Variants in PRKCI observed in about 807,000 individuals in gnomAD.
The protein encoded by PRKCI is protein kinase C iota.
In PRKCI, 43 loss-of-function variants were observed where a neutral mutation model predicts 84.0. The ratio of observed to expected loss-of-function variants is 0.51; its 90% CI spans 0.40 to 0.66. PRKCI has a LOEUF of 0.66. Ranked by LOEUF, PRKCI falls within the 30% of genes least tolerant of loss-of-function variation. The pLI is 0.00. For missense variants in PRKCI, 459 were observed against 745.6 expected (o/e 0.62, Z 4.48); for synonymous variants, 216 against 234.4 (o/e 0.92, Z 0.72).
intron 17 of PRKCI, among the ~76,000 whole-genome samples, chr3:170,300,013 A>C (rs1040289115): frequency 6.6e-6 from 1 of 152,248 alleles, no homozygotes; most frequent in Non-Finnish European, 1.5e-5. Context: ...TTAAACATGT[A>C]GTTTGGAATA....
chr3:170,297,505 A>T, intron 16 of PRKCI, 112 bp downstream of exon 16: 1 of 834,168 alleles, frequency 1.2e-6, no homozygotes, highest in Non-Finnish European at 2.0e-6. Context: ...CCGAGGCTGG[A>T]GTACAATGGC....
intron 2 of PRKCI, among the ~76,000 whole-genome samples, chr3:170,256,231 A>G (rs917799612): frequency 6.6e-6 from 1 of 152,172 alleles, no homozygotes; most frequent in Non-Finnish European, 1.5e-5. Flanking sequence ...CTCCTCCTCC[A>G]TATTTTGGAA....
chr3:170,234,610 C>G (rs1732896831), intron 1 of PRKCI, among the ~76,000 whole-genome samples: 1 of 152,080 alleles, frequency 6.6e-6, no homozygotes, highest in Admixed American at 6.6e-5. Context: ...TAATTTAATT[C>G]CAGAATACAT....
At position 170,233,914 on chromosome 3, in the gene PRKCI, T is replaced by A. The variant is rs180886506; in HGVS notation, c.102-1316T>A. On this transcript the variant is annotated intron_variant, in intron 1 of 17. Transcript: ENST00000295797. The stretch of plus-strand genomic sequence containing the variant: ...TTTTGTATTTTTAGTAGAGACGGAG[T>A]TTCACTGTGTTTGCCGGGCTGATTT... Among the ~76,000 whole-genome samples the A allele has an allele frequency of 2.8e-3, 424 of 151,846 alleles. 1 individual carries two copies. The highest frequency in any genetic ancestry group is 9.0e-3 in the African/African-American group (371 of 41,382).
rs1734088746 is a variant in PRKCI at position 170,275,294 on chromosome 3, T to C, written c.705+7T>C. On this transcript the variant is annotated splice_region_variant and intron_variant, in intron 8 of 17. Coordinates refer to ENST00000295797, the MANE Select transcript of PRKCI (RefSeq NM_002740.6). ...AGTTGGTGAAGAAAAAGAGGTAAGA[T>C]AATTTGTCTTATTGTACATTATATC... is the stretch of plus-strand genomic sequence containing the variant. 1 of 1,598,050 alleles carries C rather than the reference T, an allele frequency of 6.3e-7. No homozygotes were observed. Among genetic ancestry groups the C allele is most frequent in the Non-Finnish European group, 8.5e-7 (1 of 1,174,092 alleles).
chr3:170,230,963 G>GT (rs375182104), intron 1 of PRKCI, among the ~76,000 whole-genome samples: 9,859 of 127,848 alleles, frequency 0.077, 437 homozygotes, highest in East Asian at 0.17. Flanking sequence ...TTTTTTTTTT[G>GT]TTTTTTTTTT....
chr3:170,280,876 T>C (rs778790466), intron 9 of PRKCI, among the ~76,000 whole-genome samples: 1 of 151,744 alleles, frequency 6.6e-6, no homozygotes, highest in Non-Finnish European at 1.5e-5. Context: ...GTATAAGATA[T>C]TTAAAGTAAT....
At chr3:170,240,227 C>A (rs1257835253) in intron 2 of PRKCI, among the ~76,000 whole-genome samples, 2 of 151,930 alleles carry the variant, frequency 1.3e-5, no homozygotes, top group East Asian at 3.8e-4. Context: ...ACAAGCCTTT[C>A]CCTGGTTTAA....
At chr3:170,288,471 G>A (rs1734457864) in intron 12 of PRKCI, among the ~76,000 whole-genome samples, 1 of 152,084 alleles carries the variant, frequency 6.6e-6, no homozygotes, top group Non-Finnish European at 1.5e-5. Flanking sequence ...TGCCTAGGGC[G>A]GGTGCAGTGG....
At position 170,299,127 on chromosome 3, in the gene PRKCI, A is replaced by G; in HGVS notation, c.1703+17A>G. ...AGATGACGAGTAAGTAATTCTGTAC[A>G]CTGAAATTTTTTTTTAAGTTCTTTG... On this transcript the variant is annotated intron_variant, in intron 17 of 17. Coordinates refer to ENST00000295797, the MANE Select transcript of PRKCI (RefSeq NM_002740.6). 6.7e-7 allele frequency: 1 copy of G among 1,483,128 alleles called. No homozygotes were observed. Among genetic ancestry groups the G allele is most frequent in the Non-Finnish European group, 9.0e-7 (1 of 1,107,516 alleles). The allele number at this position is 1,483,128 out of a possible 1,614,324, so 91.9% of individuals were successfully genotyped here. A position where few individuals can be genotyped will look rare whatever the true frequency, so the allele number is the denominator to read the frequency against.
At chr3:170,255,904 TTGAAA>T (rs1316808251) in intron 2 of PRKCI, among the ~76,000 whole-genome samples, 3 of 152,206 alleles carry the variant, frequency 2.0e-5, no homozygotes, top group African/African-American at 7.2e-5. Flanking sequence ...TTAGCATCAA[TTGAAA>T]TGATAGTATG....
chr3:170,260,041 C>G lies in PRKCI; in HGVS notation c.296C>G (p.Ser99Cys), dbSNP rs781289139. The change falls in exon 3 of 18, where the codon TCT becomes TGT. Residue 99 changes from serine to cysteine, a missense_variant. By Grantham distance (112) the Ser-to-Cys change is moderately radical. Coordinates refer to ENST00000295797, the MANE Select transcript of PRKCI (RefSeq NM_002740.6). The part of the protein sequence containing the change: ...AFRLYELNKD[S>C]ELLIHVFPCV... ...AGACTTTATGAGCTAAACAAGGATTCTGAACTCTTGATTCATGGTAAGAGA... is the reference window on the plus strand; with the variant it reads ...AGACTTTATGAGCTAAACAAGGATTGTGAACTCTTGATTCATGGTAAGAGA... 2.5e-6 allele frequency: 4 copies of G among 1,609,314 alleles called. No individual in the cohort carries two copies. In the South Asian group the frequency reaches 4.4e-5, roughly 18 times the overall value.
rs940785943 is a variant in PRKCI at position 170,305,854 on chromosome 3, T to G, written c.*2727T>G. The G allele has an allele frequency of 6.6e-6, 1 of 152,170 alleles. No homozygotes were observed. The highest frequency in any genetic ancestry group is 1.5e-5 in the Non-Finnish European group (1 of 68,042). The allele number at this position is 152,170 out of a possible 1,614,324, so 9.4% of individuals were successfully genotyped here. ...AATGCTTGTTCAGTGCCGGTACATTTACTTAAATCTGTTTTTATTTTTGTC... is the reference window on the plus strand; with the variant it reads ...AATGCTTGTTCAGTGCCGGTACATTGACTTAAATCTGTTTTTATTTTTGTC... On this transcript the variant is annotated 3_prime_UTR_variant, in exon 18 of 18. Transcript: ENST00000295797.
intron 2 of PRKCI, among the ~76,000 whole-genome samples, chr3:170,244,475 C>T (rs1339738248): frequency 6.6e-6 from 1 of 152,062 alleles, no homozygotes; most frequent in Non-Finnish European, 1.5e-5. Flanking sequence ...AGCTCTGTGT[C>T]CCCCCGTACC....
chr3:170,236,307 C>T (rs1732975384), intron 2 of PRKCI, among the ~76,000 whole-genome samples: 1 of 143,916 alleles, frequency 6.9e-6, no homozygotes. Context: ...TGCCGTGTTG[C>T]CCAGGCTGGT....
At chr3:170,234,895 CATGTTCCCCCCCTGAGAAGG>C (rs750383997) in intron 1 of PRKCI, among the ~76,000 whole-genome samples, 3 of 151,944 alleles carry the variant, frequency 2.0e-5, no homozygotes, top group Admixed American at 6.6e-5. Flanking sequence ...CTACACCTCC[CATGTTCCCCCCCTGAGAAGG>C]ATCCTCCCAC....
chr3:170,277,513 G>A (rs1255773095), intron 8 of PRKCI, among the ~76,000 whole-genome samples: 1 of 151,954 alleles, frequency 6.6e-6, no homozygotes, highest in African/African-American at 2.4e-5. Flanking sequence ...GAGCAGCCTA[G>A]GCAACATAGT....
At chr3:170,267,412 G>A (rs1290925952) in intron 4 of PRKCI, among the ~76,000 whole-genome samples, 2 of 151,948 alleles carry the variant, frequency 1.3e-5, no homozygotes, top group South Asian at 2.1e-4. Flanking sequence ...GTTGGCTCAC[G>A]CCTGTAATCC....
intron 5 of PRKCI, among the ~76,000 whole-genome samples, chr3:170,268,972 T>C (rs1733933275): frequency 6.6e-6 from 1 of 152,202 alleles, no homozygotes; most frequent in African/African-American, 2.4e-5. Flanking sequence ...TGGAGTGCAA[T>C]GGCACAGTCT....
Sources: gnomAD v4.1 joint callset for allele counts (sites outside exome capture counted in the v4.1 genomes callset) on GRCh38, gnomAD v4.1.1 for gene constraint, MANE v1.5 for transcripts, NCBI Gene and HGNC (gene_info 2026-07-23, HGNC 2026-07-21) for gene names.